ANKRA2: variants seen among roughly 807,000 people sequenced by gnomAD.
ANKRA2 encodes ankyrin repeat family A protein 2.
Under a neutral mutation model 37.8 loss-of-function variants are expected in ANKRA2, and 33 were observed. The ratio of observed to expected loss-of-function variants is 0.87; its 90% confidence interval spans 0.66 to 1.17. The LOEUF (loss-of-function observed/expected upper bound fraction) is 1.17. Ranked by LOEUF, ANKRA2 falls within the 50% of genes most tolerant of loss-of-function variation. The pLI, the probability that ANKRA2 is intolerant of heterozygous loss-of-function variation, is 0.00. For missense variants in ANKRA2, 326 were observed against 373.7 expected (o/e 0.87, Z 1.05); for synonymous variants, 126 against 132.3 (o/e 0.95, Z 0.33).
rs1747695574 is a variant in ANKRA2 at position 73,565,186 on chromosome 5, G to A, written c.-159C>T. On this transcript the variant is annotated 5_prime_UTR_variant, in exon 1 of 9. Coordinates refer to ENST00000296785, the MANE Select transcript of ANKRA2 (RefSeq NM_023039.5). ...AGGAGCCCGCTGTCTCCCGCTGGAG[G>A]GGAGACTCTTGCAGGAAAGAAAGTC... 1 of 151,996 alleles carries A rather than the reference G, an allele frequency of 6.6e-6. No individual in the cohort carries two copies. The highest frequency in any genetic ancestry group is 6.6e-5 in the Admixed American group (1 of 15,266). The allele number at this position is 151,996 out of a possible 1,614,324, so 9.4% of individuals were successfully genotyped here.
In ANKRA2 at chr5:73,561,187, T is replaced by C. The variant is rs1252692373; in HGVS notation, c.391A>G (p.Thr131Ala). 1 of 1,614,038 alleles carries C rather than the reference T, an allele frequency of 6.2e-7. No homozygotes were observed. The highest frequency in any genetic ancestry group is 1.7e-5 in the Admixed American group (1 of 59,992). Residue 131 changes from threonine (T) to alanine (A), a missense_variant, in exon 3 of 9, where the codon ACT (threonine) becomes GCT (alanine). Thr to Ala is a moderately conservative substitution (Grantham distance 58, BLOSUM62 0). Around this residue, in one of 3 missense-constraint regions of ANKRA2, gnomAD observed 228 missense variants for 260.2 expected, o/e 0.88. Coordinates refer to ENST00000296785, the MANE Select transcript of ANKRA2 (RefSeq NM_023039.5). ...TTTCCTCTGTGTTTGTTGGTTAAAG[T>C]GGTTGACTGTTTTATGGGTGAGAAA... Reference protein sequence around the residue: ...KHFSPIKQSTTLTNKHRGNEV... With the variant: ...KHFSPIKQSTALTNKHRGNEV...
At chr5:73,553,782 CTTT>C (rs56080001) in intron 7 of ANKRA2, among the ~76,000 whole-genome samples, 1 of 126,600 alleles carries the variant, frequency 7.9e-6, no homozygotes, top group African/African-American at 2.7e-5. Flanking sequence ...TTCTTTTCTT[CTTT>C]TTTTTTTTTG....
Position 73,562,753 on chromosome 5 carries a change from C to T in ANKRA2, c.129G>A (p.Gly43=). Reference sequence around the variant, plus strand: ...TTCCCATGGCAACACCCTGAGCTGACCCTTCTTCTGAATTTGGGTCCAGTG... The same window carrying T: ...TTCCCATGGCAACACCCTGAGCTGATCCTTCTTCTGAATTTGGGTCCAGTG... ...EHPLDPNSEE[G]SAQGVAMGMK... The change falls in exon 2 of 9, where the codon GGG becomes GGA. Residue 43 remains glycine (G), a synonymous_variant. Transcript: ENST00000296785. 1 of 1,614,164 alleles carries T rather than the reference C, an allele frequency of 6.2e-7. No homozygotes were observed. The highest frequency in any genetic ancestry group is 8.5e-7 in the Non-Finnish European group (1 of 1,180,028).
chr5:73,555,703 TGA>T (rs1209967176), intron 4 of ANKRA2, 118 bp from the exon 5 acceptor site: 3 of 893,706 alleles, frequency 3.4e-6, no homozygotes, highest in Non-Finnish European at 5.1e-6. Context: ...CACTTTGTGC[TGA>T]CTTTATGTTG....
chr5:73,561,496 G>A lies in ANKRA2; in HGVS notation c.290-208C>T, dbSNP rs1351478378. On this transcript the variant is annotated intron_variant, in intron 2 of 8. Coordinates refer to ENST00000296785, the MANE Select transcript of ANKRA2 (RefSeq NM_023039.5). ...AAAAAAAAAGTCTAGGCTGGGCATG[G>A]TGCTCACGCCTGTAACCCCAGCACT... The A allele has an allele frequency of 4.9e-5, 24 of 494,750 alleles. No individual in the cohort carries two copies. In the East Asian group the frequency reaches 9.6e-4, roughly 20 times the overall value. 30.6% of individuals were successfully genotyped at this position (494,750 alleles called of 1,614,324 possible). A position where few individuals can be genotyped will look rare whatever the true frequency, so the allele number is the denominator to read the frequency against.
In ANKRA2 at chr5:73,553,499, A is replaced by G; in HGVS notation, c.806-13T>C. 2 of 1,591,642 alleles carry G rather than the reference A, an allele frequency of 1.3e-6. No homozygotes were observed. Among genetic ancestry groups the G allele is most frequent in the Non-Finnish European group, 1.7e-6 (2 of 1,160,162 alleles). ...TCAGCCCCACTTTCTATACCAAAAT[A>G]GAAAAACTACATAAATGAAATGAAA... On this transcript the variant is annotated splice_polypyrimidine_tract_variant and intron_variant, in intron 7 of 8. Coordinates refer to ENST00000296785, the MANE Select transcript of ANKRA2 (RefSeq NM_023039.5).
chr5:73,553,557 T>A, intron 7 of ANKRA2, 71 bp from the exon 8 acceptor site: 1 of 1,273,248 alleles, frequency 7.9e-7, no homozygotes, highest in Non-Finnish European at 1.1e-6. Flanking sequence ...TTGGCTCATG[T>A]ACAAATAGCT....
rs572383219 is a variant in ANKRA2 at position 73,564,075 on chromosome 5, CGA to C, written c.-105+1055_-105+1056del. On this transcript the variant is annotated intron_variant, in intron 1 of 8. Coordinates refer to ENST00000296785, the MANE Select transcript of ANKRA2 (RefSeq NM_023039.5). ...GCCCTAAACAAAGCCAAAATCTCCA[CGA>C]GAGAGTTGAATAAATAACACATAGT... is the stretch of plus-strand genomic sequence containing the variant. 1.2e-4 allele frequency among the ~76,000 whole-genome samples: 18 copies of C among 145,930 alleles called. No individual in the cohort carries two copies. The South Asian group carries it at 2.0e-3, about 16-fold the overall frequency.
chr5:73,561,560 G>A (rs1304583939), intron 2 of ANKRA2, among the ~76,000 whole-genome samples: 1 of 152,062 alleles, frequency 6.6e-6, no homozygotes, highest in Non-Finnish European at 1.5e-5. Flanking sequence ...GAGGTCAGGA[G>A]TTCAAGACCA....
chr5:73,564,434 C>T (rs1014957348), intron 1 of ANKRA2, among the ~76,000 whole-genome samples: 7 of 152,194 alleles, frequency 4.6e-5, no homozygotes, highest in South Asian at 4.1e-4. Context: ...AGGATGGGGA[C>T]CACTCTTACT....
chr5:73,552,387 C>G lies in ANKRA2; in HGVS notation c.*410G>C, dbSNP rs1234290710. The G allele has an allele frequency of 6.5e-6, 1 of 154,706 alleles. No individual in the cohort carries two copies. The highest frequency in any genetic ancestry group is 1.9e-4 in the East Asian group (1 of 5,260). The allele number at this position is 154,706 out of a possible 1,614,324, so 9.6% of individuals were successfully genotyped here. A position where few individuals can be genotyped will look rare whatever the true frequency, so the allele number is the denominator to read the frequency against. On this transcript the variant is annotated 3_prime_UTR_variant, in exon 9 of 9. Transcript: ENST00000296785. ...TAATATCATTTTGTAAACAATCACA[C>G]TGTGCACTTTTTTATTCAACAATAA... is the stretch of plus-strand genomic sequence containing the variant.
intron 8 of ANKRA2, 121 bp downstream of exon 8, chr5:73,553,285 A>G (rs771882441): frequency 5.7e-6 from 4 of 699,040 alleles, no homozygotes; most frequent in South Asian, 4.7e-5. Flanking sequence ...AGTTAAAAGT[A>G]TATGTCAGGA....
chr5:73,562,478 T>C lies in ANKRA2; in HGVS notation c.289+115A>G, dbSNP rs938628313. The C allele has an allele frequency of 1.8e-5, 17 of 965,832 alleles. 1 individual carries two copies. Among genetic ancestry groups the C allele is most frequent in the Middle Eastern group, 3.5e-4 (1 of 2,896 alleles). The allele number at this position is 965,832 out of a possible 1,614,324, so 59.8% of individuals were successfully genotyped here. Reference sequence around the variant, plus strand: ...GTTTCTATGAGATTCCAGAAAATCATATTAAAAAATGACTTCTAAACTGTC... The same window carrying C: ...GTTTCTATGAGATTCCAGAAAATCACATTAAAAAATGACTTCTAAACTGTC... On this transcript the variant is annotated intron_variant, in intron 2 of 8. Coordinates refer to ENST00000296785, the MANE Select transcript of ANKRA2 (RefSeq NM_023039.5).
chr5:73,558,053 G>C (rs1371581041), intron 3 of ANKRA2, among the ~76,000 whole-genome samples: 1 of 151,784 alleles, frequency 6.6e-6, no homozygotes, highest in Non-Finnish European at 1.5e-5. Context: ...CTCCAGTCTG[G>C]GTGACAGAAA....
At chr5:73,565,105 G>A (rs547072699) in intron 1 of ANKRA2, 27 bp downstream of exon 1, 2 of 152,292 alleles carry the variant, frequency 1.3e-5, no homozygotes, top group South Asian at 2.1e-4. Context: ...GGAGAGGAAG[G>A]TGCTATGAAA....
intron 2 of ANKRA2, 104 bp downstream of exon 2, chr5:73,562,489 G>C: frequency 9.4e-7 from 1 of 1,068,106 alleles, no homozygotes; most frequent in Non-Finnish European, 1.3e-6. Flanking sequence ...ATTAAAAAAT[G>C]ACTTCTAAAC....
In ANKRA2 at chr5:73,554,321, C is replaced by T. The variant is rs1561268165; in HGVS notation, c.805+1G>A. 3 of 1,612,926 alleles carry T rather than the reference C, an allele frequency of 1.9e-6. No individual in the cohort carries two copies. The highest frequency in any genetic ancestry group is 2.5e-6 in the Non-Finnish European group (3 of 1,179,354). On this transcript the variant is annotated splice_donor_variant, in intron 7 of 8. Coordinates refer to ENST00000296785, the MANE Select transcript of ANKRA2 (RefSeq NM_023039.5). LOFTEE classifies it high-confidence loss of function. ...CATTTTCTAAATTTTTATCTGCTTA[C>T]CTAAGAGCATCTTTACACATTTCAC...
At chr5:73,563,674 T>TG (rs1194798734) in intron 1 of ANKRA2, among the ~76,000 whole-genome samples, 16 of 152,314 alleles carry the variant, frequency 1.1e-4, no homozygotes, top group Admixed American at 2.0e-4. Flanking sequence ...CTTTCCAAGA[T>TG]GTATAGTTGT....
rs763355659 is a variant in ANKRA2, at chr5:73,552,975, A to G, written c.887-123T>C. The stretch of plus-strand genomic sequence containing the variant: ...AGTTATTTCTAAGCAGGATACATAC[A>G]TAGCCTGAGGGCAATAATACAATGC... On this transcript the variant is annotated intron_variant, in intron 8 of 8. Coordinates refer to ENST00000296785, the MANE Select transcript of ANKRA2 (RefSeq NM_023039.5). 90 of 774,646 alleles carry G rather than the reference A, an allele frequency of 1.2e-4. No homozygotes were observed. In the Middle Eastern group the frequency reaches 1.5e-3, roughly 13 times the overall value. 48.0% of individuals were successfully genotyped at this position (774,646 alleles called of 1,614,324 possible). A position where few individuals can be genotyped will look rare whatever the true frequency, so the allele number is the denominator to read the frequency against.
Sources: allele counts gnomAD v4.1 joint callset (sites outside exome capture counted in the v4.1 genomes callset), GRCh38; gene constraint gnomAD v4.1.1; regional missense constraint gnomAD v4.1.1; transcripts MANE v1.5; gene names NCBI Gene and HGNC (gene_info 2026-07-23, HGNC 2026-07-21).